PTPRT: variants seen among roughly 807,000 people sequenced by gnomAD.
PTPRT encodes protein tyrosine phosphatase receptor type T.
PTPRT carries 56 observed loss-of-function variants against 176.8 expected under a neutral mutation model. The ratio of observed to expected loss-of-function variants is 0.32; its 90% CI spans 0.26 to 0.40. PTPRT has a LOEUF of 0.40. PTPRT is among the 10% of genes least tolerant of loss of function. The pLI is 1.00. For synonymous variants in PTPRT, 783 were observed against 739.0 expected (o/e 1.06, Z -0.96); for missense variants, 1,540 against 1,908.2 (o/e 0.81, Z 3.60).
chr20:42,177,981 A>G (rs370670295), intron 16 of PTPRT, among the ~76,000 whole-genome samples: 1 of 149,206 alleles, frequency 6.7e-6, no homozygotes, highest in East Asian at 2.0e-4. Flanking sequence ...TCTTTCGCCC[A>G]GGCTAGAGTG....
chr20:42,882,766 G>A (rs2079028232), intron 2 of PTPRT, among the ~76,000 whole-genome samples: 2 of 152,238 alleles, frequency 1.3e-5, no homozygotes, highest in Non-Finnish European at 2.9e-5. Context: ...TCATCTGGGA[G>A]TAAACCATGC....
chr20:42,393,588 G>A (rs965306109), intron 9 of PTPRT, among the ~76,000 whole-genome samples: 2 of 152,136 alleles, frequency 1.3e-5, no homozygotes, highest in Admixed American at 1.3e-4. Context: ...ACACAAGTTG[G>A]AATCTGATGC....
chr20:42,506,949 A>G lies in PTPRT; in HGVS notation c.1154-34387T>C, dbSNP rs185348151. Among the ~76,000 whole-genome samples the G allele has an allele frequency of 3.0e-3, 455 of 152,172 alleles. 2 individuals are homozygous for G. The highest frequency in any genetic ancestry group is 0.01 in the African/African-American group (419 of 41,532). On this transcript the variant is annotated intron_variant, in intron 7 of 30. Transcript: ENST00000373187. ...GGATCCTAGGATCTGACCACATCTT[A>G]TTAATAGAGTTCAAGGCAGTAGAAA...
chr20:42,588,634 C>G (rs1358071770), intron 7 of PTPRT, among the ~76,000 whole-genome samples: 1 of 151,996 alleles, frequency 6.6e-6, no homozygotes, highest in Non-Finnish European at 1.5e-5. Flanking sequence ...TATATTAGAT[C>G]AAATAAAATA....
intron 13 of PTPRT, among the ~76,000 whole-genome samples, chr20:42,266,273 A>G (rs901057628): frequency 6.6e-6 from 1 of 152,156 alleles, no homozygotes; most frequent in Non-Finnish European, 1.5e-5. Flanking sequence ...TTTTTTCTGT[A>G]GAAAATTGAC....
At chr20:42,393,683 TCTAAAACTGAGCTAAGA>T (rs1568841247) in intron 9 of PTPRT, among the ~76,000 whole-genome samples, 1 of 152,196 alleles carries the variant, frequency 6.6e-6, no homozygotes. Flanking sequence ...ATTTAACATG[TCTAAAACTGAGCTAAGA>T]TTTTTCCTAG....
chr20:42,821,143 A>G (rs984208535), intron 2 of PTPRT, among the ~76,000 whole-genome samples: 3 of 152,244 alleles, frequency 2.0e-5, no homozygotes, highest in East Asian at 3.8e-4. Context: ...CCTGATAAAC[A>G]TCAATGTGAA....
intron 1 of PTPRT, among the ~76,000 whole-genome samples, chr20:43,103,133 C>A (rs2012460800): frequency 6.6e-6 from 1 of 152,094 alleles, no homozygotes; most frequent in South Asian, 2.1e-4. Flanking sequence ...AACCCATGCA[C>A]CTGCCCCCAG....
chr20:42,043,135 C>G, the PTPRT span, among the ~76,000 whole-genome samples: 1 of 152,240 alleles, frequency 6.6e-6, no homozygotes, highest in African/African-American at 2.4e-5. Context: ...CCACAGAACA[C>G]TTGCATCACC....
chr20:42,833,216 A>G lies in PTPRT; in HGVS notation c.215-41750T>C, dbSNP rs866565418. 3.3e-5 allele frequency among the ~76,000 whole-genome samples: 5 copies of G among 151,906 alleles called. No homozygotes were observed. The South Asian group carries it at 6.2e-4, about 19-fold the overall frequency. Reference sequence around the variant, plus strand: ...AATAGTAACCAAATAGTCATGCAGTATAACTTAAAAAAAAACCTAAAGTCA... The same window carrying G: ...AATAGTAACCAAATAGTCATGCAGTGTAACTTAAAAAAAAACCTAAAGTCA... On this transcript the variant is annotated intron_variant, in intron 2 of 30. Transcript: ENST00000373187.
intron 11 of PTPRT, among the ~76,000 whole-genome samples, chr20:42,324,051 A>C (rs2145411539): frequency 6.6e-6 from 1 of 152,354 alleles, no homozygotes; most frequent in African/African-American, 2.4e-5. Flanking sequence ...ATTTCCACAC[A>C]AAAACTTGAA....
chr20:43,015,459 T>G (rs1204614447), intron 1 of PTPRT, among the ~76,000 whole-genome samples: 2 of 152,212 alleles, frequency 1.3e-5, no homozygotes, highest in African/African-American at 2.4e-5. Context: ...ATTCAGTGAA[T>G]AGCCAACACC....
At chr20:42,681,763 G>A (rs889782851) in intron 6 of PTPRT, among the ~76,000 whole-genome samples, 5 of 152,142 alleles carry the variant, frequency 3.3e-5, no homozygotes, top group Admixed American at 6.5e-5. Flanking sequence ...GAGGGCATTC[G>A]AGAATAGAGA....
intron 8 of PTPRT, among the ~76,000 whole-genome samples, chr20:42,448,715 A>G (rs1244318016): frequency 6.6e-6 from 1 of 152,172 alleles, no homozygotes; most frequent in Non-Finnish European, 1.5e-5. Flanking sequence ...AGCAGTTTCC[A>G]GTTCTGCCAG....
intron 15 of PTPRT, among the ~76,000 whole-genome samples, chr20:42,200,053 CA>C (rs1316970342): frequency 2.7e-5 from 3 of 112,796 alleles, no homozygotes; most frequent in South Asian, 2.7e-4. Flanking sequence ...TGAAGAGTCA[CA>C]AAAAAATACA....
At chr20:42,466,539 T>C (rs78035851) in intron 8 of PTPRT, among the ~76,000 whole-genome samples, 2 of 152,120 alleles carry the variant, frequency 1.3e-5, no homozygotes, top group Non-Finnish European at 2.9e-5. Context: ...AGCTTTATTG[T>C]TTTTTAGAGG....
chr20:42,848,612 T>C (rs1346048558), intron 2 of PTPRT, among the ~76,000 whole-genome samples: 1 of 152,224 alleles, frequency 6.6e-6, no homozygotes, highest in Non-Finnish European at 1.5e-5. Flanking sequence ...TGTTGGCCAT[T>C]TGTATATCTT....
At chr20:42,584,942 A>T (rs1215965605) in intron 7 of PTPRT, among the ~76,000 whole-genome samples, 3 of 152,192 alleles carry the variant, frequency 2.0e-5, no homozygotes, top group African/African-American at 7.2e-5. Flanking sequence ...CTTTTAGCAC[A>T]TATTGGCTAA....
At chr20:42,561,195 C>T (rs1002116287) in intron 7 of PTPRT, among the ~76,000 whole-genome samples, 16 of 152,186 alleles carry the variant, frequency 1.1e-4, no homozygotes, top group African/African-American at 3.4e-4. Flanking sequence ...ATTCAGTAAA[C>T]GTCTGTGCCA....
Sources: gnomAD v4.1 joint callset for allele counts (sites outside exome capture counted in the v4.1 genomes callset) on GRCh38, gnomAD v4.1.1 for gene constraint, MANE v1.5 for transcripts, NCBI Gene and HGNC (gene_info 2026-07-23, HGNC 2026-07-21) for gene names.